Variants in RSPH3 observed in about 807,000 individuals in gnomAD.
RSPH3 encodes the protein radial spoke head protein 3 homolog.
A neutral mutation model predicts 43.8 loss-of-function variants in RSPH3; 21 were observed. That is an observed-to-expected ratio of 0.48 (90% CI 0.34 to 0.69). RSPH3 has a LOEUF of 0.69. Among genes scored for constraint, RSPH3 ranks in the 30% least tolerant of loss-of-function variants. RSPH3 has a pLI of 0.01. For missense variants in RSPH3, 487 were observed against 516.0 expected (o/e 0.94, Z 0.54); for synonymous variants, 173 against 179.8 (o/e 0.96, Z 0.30).
chr6:158,981,499 T>C (rs1409872751), intron 5 of RSPH3, among the ~76,000 whole-genome samples: 1 of 152,214 alleles, frequency 6.6e-6, no homozygotes, highest in Non-Finnish European at 1.5e-5. Flanking sequence ...TTTAAACAAA[T>C]ATAAATCTAG....
chr6:158,972,024 T>A (rs1290880551), downstream of RSPH3, among the ~76,000 whole-genome samples: 1 of 152,014 alleles, frequency 6.6e-6, no homozygotes, highest in Admixed American at 6.6e-5. Context: ...TTGGGGGGGA[T>A]AAAGAAAAAT....
chr6:158,983,862 G>T, intron 3 of RSPH3, 55 bp from the exon 4 acceptor site: 1 of 1,276,390 alleles, frequency 7.8e-7, no homozygotes. Context: ...GGCCAGGCAT[G>T]GTAGTTCATG....
At chr6:158,991,573 A>G (rs79729376) in intron 2 of RSPH3, among the ~76,000 whole-genome samples, 2,705 of 152,216 alleles carry the variant, frequency 0.018, 33 homozygotes, top group Middle Eastern at 0.024. Context: ...CCTTGTTACT[A>G]CCAGATAGGA....
the RSPH3 span, among the ~76,000 whole-genome samples, chr6:158,964,917 T>A: frequency 6.6e-6 from 1 of 152,206 alleles, no homozygotes; most frequent in African/African-American, 2.4e-5. Flanking sequence ...TTTACTGTTA[T>A]GTTGTCTTGA....
chr6:158,968,967 T>A (rs553698049), downstream of RSPH3, among the ~76,000 whole-genome samples: 95 of 152,334 alleles, frequency 6.2e-4, no homozygotes, highest in African/African-American at 2.2e-3. Context: ...ACAAATTACA[T>A]CTTTATACAT....
chr6:158,988,492 A>G (rs1230179827), intron 2 of RSPH3, among the ~76,000 whole-genome samples: 3 of 152,146 alleles, frequency 2.0e-5, no homozygotes, highest in Non-Finnish European at 4.4e-5. Flanking sequence ...CTCTTGCTCA[A>G]TTCCCTCTTG....
intron 1 of RSPH3, among the ~76,000 whole-genome samples, chr6:158,994,854 CT>C (rs201558379): frequency 0.036 from 5,523 of 151,870 alleles, 321 homozygotes; most frequent in African/African-American, 0.13. Flanking sequence ...GTATAAGTTG[CT>C]TTTTTTTCAT....
At chr6:158,986,678 AAAT>A (rs1192722446) in intron 2 of RSPH3, among the ~76,000 whole-genome samples, 1 of 152,226 alleles carries the variant, frequency 6.6e-6, no homozygotes. Context: ...ATATTTAGAA[AAAT>A]AATAAAAACA....
chr6:158,978,079 G>T (rs1777909774), intron 7 of RSPH3, among the ~76,000 whole-genome samples, 181 bp downstream of exon 7: 1 of 152,112 alleles, frequency 6.6e-6, no homozygotes, highest in South Asian at 2.1e-4. Context: ...GATATTAATA[G>T]ATAGCAAATT....
chr6:158,974,264 A>G lies in RSPH3; in HGVS notation c.*3274T>C, dbSNP rs988868574. On this transcript the variant is annotated 3_prime_UTR_variant, in exon 8 of 8. Transcript: ENST00000367069. ...GTCAAGTACTGTTTATACTCCAAAA[A>G]GTATTTGGAGCTTATAATTCCTTTA... The G allele has an allele frequency of 6.6e-6, 1 of 152,240 alleles. No homozygotes were observed. Among genetic ancestry groups the G allele is most frequent in the African/African-American group, 2.4e-5 (1 of 41,466 alleles). 9.4% of individuals were successfully genotyped at this position (152,240 alleles called of 1,614,324 possible).
intron 2 of RSPH3, 110 bp from the exon 3 acceptor site, chr6:158,986,531 G>T: frequency 2.5e-6 from 2 of 794,566 alleles, no homozygotes; most frequent in Non-Finnish European, 2.0e-6. Context: ...TTGTCATAAT[G>T]TTTCTTGATT....
chr6:159,000,048 T>G lies in RSPH3; in HGVS notation c.-498A>C. The G allele has an allele frequency of 6.9e-7, 1 of 1,447,086 alleles. No homozygotes were observed. Among genetic ancestry groups the G allele is most frequent in the Non-Finnish European group, 9.2e-7 (1 of 1,082,114 alleles). 89.6% of individuals were successfully genotyped at this position (1,447,086 alleles called of 1,614,324 possible). A position where few individuals can be genotyped will look rare whatever the true frequency, so the allele number is the denominator to read the frequency against. On this transcript the variant is annotated 5_prime_UTR_variant, in exon 1 of 8. Transcript: ENST00000367069. ...GAATGTGGCTTTGCAGGGCTGGTGT[T>G]GGCGCCATTCTCGCAGGCCCACGTG...
Position 158,982,592 on chromosome 6 carries a change from G to A in RSPH3, c.589C>T (p.Leu197=), listed in dbSNP as rs953419540. ...SLLEVMEEEE[L]ANLRASQREY... is the part of the protein sequence containing the mutation. ...CGCTGACTGGCCCGCAGGTTAGCCA[G>A]CTCTTCTTCTTCCATTACTTCCAGA... The change falls in exon 5 of 8, where the codon CTG becomes TTG. Residue 197 remains leucine, a synonymous_variant. Coordinates refer to ENST00000367069, the MANE Select transcript of RSPH3 (RefSeq NM_031924.8). 6.2e-7 allele frequency: 1 copy of A among 1,613,680 alleles called. No homozygotes were observed. Among genetic ancestry groups the A allele is most frequent in the Admixed American group, 1.7e-5 (1 of 59,984 alleles).
In RSPH3 at chr6:158,974,335, T is replaced by G. The variant is rs1777775022; in HGVS notation, c.*3203A>C. 6.6e-6 allele frequency: 1 copy of G among 152,222 alleles called. No individual in the cohort carries two copies. The highest frequency in any genetic ancestry group is 1.5e-5 in the Non-Finnish European group (1 of 68,034). The allele number at this position is 152,222 out of a possible 1,614,324, so 9.4% of individuals were successfully genotyped here. ...AGTTGGGGATGTAGCATTTTGCATA[T>G]CACATCAAACTGTTATGATGGTCCC... On this transcript the variant is annotated 3_prime_UTR_variant, in exon 8 of 8. Coordinates refer to ENST00000367069, the MANE Select transcript of RSPH3 (RefSeq NM_031924.8).
intron 3 of RSPH3, among the ~76,000 whole-genome samples, chr6:158,984,557 T>C (rs541720901): frequency 6.0e-5 from 9 of 149,784 alleles, no homozygotes; most frequent in Middle Eastern, 3.5e-3. Flanking sequence ...CACCAGGTTA[T>C]TTGATATTCC....
At chr6:158,971,961 C>A (rs1318088896), downstream of RSPH3, among the ~76,000 whole-genome samples, 2 of 151,496 alleles carry the variant, frequency 1.3e-5, no homozygotes, top group East Asian at 3.9e-4. Flanking sequence ...CAAAACTGTG[C>A]CATATGAGGA....
downstream of RSPH3, among the ~76,000 whole-genome samples, chr6:158,969,803 T>G (rs1229718918): frequency 6.6e-6 from 1 of 152,230 alleles, no homozygotes; most frequent in Non-Finnish European, 1.5e-5. Flanking sequence ...TGAAGAAAAT[T>G]TATCATTTCA....
intron 4 of RSPH3, 21 bp from the exon 5 acceptor site, chr6:158,982,709 C>G: frequency 6.4e-7 from 1 of 1,552,384 alleles, no homozygotes; most frequent in East Asian, 2.3e-5. Context: ...CAAAATAAAG[C>G]AAACTTAAAA....
Position 158,989,338 on chromosome 6 carries a change from C to A in RSPH3, c.205-2917G>T, listed in dbSNP as rs118134422. On this transcript the variant is annotated intron_variant, in intron 2 of 7. Coordinates refer to ENST00000367069, the MANE Select transcript of RSPH3 (RefSeq NM_031924.8). This position sits in a 1 kb window ranked among gnomAD's most constrained non-coding sequence, Gnocchi z 4.3. Reference sequence around the variant, plus strand: ...CTGGGATTACAGGCATGAGACACTGCGCCCCGACAGAGATCCTTTATCACT... The same window carrying A: ...CTGGGATTACAGGCATGAGACACTGAGCCCCGACAGAGATCCTTTATCACT... Among the ~76,000 whole-genome samples, 5 of 152,110 alleles carry A rather than the reference C, an allele frequency of 3.3e-5. No individual in the cohort carries two copies. Among genetic ancestry groups the A allele is most frequent in the African/African-American group, 1.2e-4 (5 of 41,416 alleles).
Sources: allele counts gnomAD v4.1 joint callset (sites outside exome capture counted in the v4.1 genomes callset), GRCh38; gene constraint gnomAD v4.1.1; non-coding constraint Gnocchi (gnomAD v3.1); transcripts MANE v1.5; gene names NCBI Gene and HGNC (gene_info 2026-07-23, HGNC 2026-07-21).